PRRC2C: variants seen among roughly 807,000 people sequenced by gnomAD.
PRRC2C encodes proline rich coiled-coil 2C, also known as protein PRRC2C.
Under a neutral mutation model 317.2 loss-of-function variants are expected in PRRC2C, and 72 were observed. The observed-to-expected ratio is 0.23, with a 90% confidence interval of 0.19 to 0.28. The LOEUF (loss-of-function observed/expected upper bound fraction) is 0.28. PRRC2C is among the 10% of genes least tolerant of loss of function. PRRC2C has a pLI of 1.00. For missense variants in PRRC2C, 3,074 were observed against 3,459.7 expected (o/e 0.89, Z 2.80); for synonymous variants, 1,296 against 1,205.9 (o/e 1.07, Z -1.55).
chr1:171,571,328 G>A lies in PRRC2C; in HGVS notation c.6660G>A (p.Leu2220=). The A allele has an allele frequency of 3.7e-6, 6 of 1,605,588 alleles. No homozygotes were observed. The highest frequency in any genetic ancestry group is 1.1e-5 in the South Asian group (1 of 90,864). ...GTTGCCTACCTTTTCAGGTGCCCCT[G>A]CCCAACACCCTTCCCCTCCCTAAGA... The part of the protein sequence containing the change: ...MEDTLVNNVP[L]PNTLPLPKRE... Residue 2220 remains leucine (L), a synonymous_variant, in exon 24 of 35, where the codon CTG becomes CTA. Coordinates refer to ENST00000647382, the MANE Select transcript of PRRC2C (RefSeq NM_001387844.1).
intron 19 of PRRC2C, among the ~76,000 whole-genome samples, chr1:171,560,578 A>G (rs1449415086): frequency 6.6e-6 from 1 of 152,250 alleles, no homozygotes; most frequent in Admixed American, 6.5e-5. Flanking sequence ...AGCAGCCATC[A>G]ACATCTCCAC....
chr1:171,569,789 T>C (rs1684424606), intron 23 of PRRC2C, among the ~76,000 whole-genome samples: 1 of 151,434 alleles, frequency 6.6e-6, no homozygotes. Context: ...ATACAGAATA[T>C]TTCTACGATA....
chr1:171,517,824 G>T lies in PRRC2C; in HGVS notation c.750+10G>T. On this transcript the variant is annotated intron_variant, in intron 6 of 34. Coordinates refer to ENST00000647382, the MANE Select transcript of PRRC2C (RefSeq NM_001387844.1). The stretch of plus-strand genomic sequence containing the variant: ...TATGATGCCTCCTTATGTGAGTATT[G>T]TTAAATGAACAAGCATTCAAACAAG... The T allele has an allele frequency of 1.2e-6, 2 of 1,601,356 alleles. No individual in the cohort carries two copies. The highest frequency in any genetic ancestry group is 8.5e-7 in the Non-Finnish European group (1 of 1,171,234).
intron 6 of PRRC2C, 140 bp downstream of exon 6, chr1:171,517,954 G>A (rs202217083): frequency 5.4e-6 from 1 of 186,694 alleles, no homozygotes; most frequent in Non-Finnish European, 1.0e-5. Context: ...TTTATTGTAT[G>A]GTATATTGTG....
chr1:171,529,966 T>G (rs1675465893), intron 11 of PRRC2C, among the ~76,000 whole-genome samples: 1 of 152,180 alleles, frequency 6.6e-6, no homozygotes, highest in South Asian at 2.1e-4. Context: ...CACCATCGTT[T>G]CCAGCAATCC....
chr1:171,539,506 T>C (rs551252020), intron 15 of PRRC2C, among the ~76,000 whole-genome samples: 1 of 152,326 alleles, frequency 6.6e-6, no homozygotes, highest in African/African-American at 2.4e-5. Flanking sequence ...TATTTACCTT[T>C]ACCTATATTT....
chr1:171,556,679 A>G (rs190854192), intron 18 of PRRC2C, among the ~76,000 whole-genome samples: 94 of 152,378 alleles, frequency 6.2e-4, no homozygotes, highest in African/African-American at 2.0e-3. Context: ...GCTAATGAAC[A>G]CAAATATCAC....
intron 6 of PRRC2C, among the ~76,000 whole-genome samples, chr1:171,518,768 G>A (rs771335167): frequency 8.7e-5 from 13 of 148,866 alleles, no homozygotes; most frequent in Non-Finnish European, 1.6e-4. Flanking sequence ...CCCTCAGAGT[G>A]TTGGGATTAC....
intron 1 of PRRC2C, among the ~76,000 whole-genome samples, chr1:171,501,775 C>T (rs1396277448): frequency 6.6e-6 from 1 of 152,160 alleles, no homozygotes; most frequent in Non-Finnish European, 1.5e-5. Context: ...TCAGAGCTGG[C>T]AAGCTGAAGG....
intron 1 of PRRC2C, among the ~76,000 whole-genome samples, chr1:171,490,216 C>G (rs924297961): frequency 5.9e-5 from 9 of 152,194 alleles, no homozygotes; most frequent in African/African-American, 2.2e-4. Context: ...TGCATCCTGC[C>G]GTTTAAAAGG....
chr1:171,579,444 G>A lies in PRRC2C; in HGVS notation c.7250G>A (p.Gly2417Asp), dbSNP rs1201694898. The A allele has an allele frequency of 1.7e-5, 28 of 1,613,532 alleles. No homozygotes were observed. Among genetic ancestry groups the A allele is most frequent in the Non-Finnish European group, 2.4e-5 (28 of 1,179,856 alleles). Residue 2417 changes from glycine (G) to aspartate (D), a missense_variant, in exon 27 of 35, where the codon GGT becomes GAT. By Grantham distance (94) the Gly-to-Asp change is moderately conservative (BLOSUM62 -1). Transcript: ENST00000647382. ...LAPPSLAQQQ[G>D]FQPGLSQPTS... is the part of the protein sequence containing the mutation. The stretch of plus-strand genomic sequence containing the variant: ...CCGCCATCCTTGGCTCAACAACAGG[G>A]TTTCCAACCAGGTCTCTCTCAGGTA...
chr1:171,516,818 A>G (rs1233199923), intron 5 of PRRC2C, among the ~76,000 whole-genome samples: 2 of 152,014 alleles, frequency 1.3e-5, no homozygotes, highest in Admixed American at 6.6e-5. Flanking sequence ...CTTTAGTTTC[A>G]TGGTCTCTTA....
chr1:171,548,719 A>G (rs187406312), intron 17 of PRRC2C, among the ~76,000 whole-genome samples: 64 of 152,356 alleles, frequency 4.2e-4, no homozygotes, highest in African/African-American at 1.5e-3. Flanking sequence ...TAAGATAGCC[A>G]AAATAATTGG....
chr1:171,590,662 A>G (rs1651216639), intron 34 of PRRC2C, among the ~76,000 whole-genome samples: 1 of 152,154 alleles, frequency 6.6e-6, no homozygotes, highest in Admixed American at 6.5e-5. Context: ...CAGCAGCAAA[A>G]CTTTTATTAA....
chr1:171,543,746 A>G (rs1188057764), intron 16 of PRRC2C, among the ~76,000 whole-genome samples: 2 of 152,246 alleles, frequency 1.3e-5, no homozygotes, highest in African/African-American at 2.4e-5. Context: ...ATATAACTAA[A>G]TACCTGAGAT....
chr1:171,536,401 G>T (rs1432205024), intron 14 of PRRC2C, 123 bp downstream of exon 14: 16 of 1,126,920 alleles, frequency 1.4e-5, no homozygotes, highest in Non-Finnish European at 1.9e-5. Flanking sequence ...TAATCAAAAT[G>T]ATGTAACTTT....
At chr1:171,513,366 G>A in intron 3 of PRRC2C, 194 bp downstream of exon 3, 1 of 723,896 alleles carries the variant, frequency 1.4e-6, no homozygotes, top group Admixed American at 2.1e-5. Flanking sequence ...TGTCAGGGTA[G>A]AACAGATGAC....
chr1:171,545,495 C>T lies in PRRC2C; in HGVS notation c.4780C>T (p.Pro1594Ser), dbSNP rs1678912004. Residue 1594 changes from proline (P) to serine (S), a missense_variant, in exon 17 of 35, where the codon CCT becomes TCT. Pro to Ser is a moderately conservative substitution (Grantham distance 74, BLOSUM62 -1). This residue lies in a region of PRRC2C where 178 missense variants were observed against 163.0 expected (regional missense o/e 1.09). Coordinates refer to ENST00000647382, the MANE Select transcript of PRRC2C (RefSeq NM_001387844.1). Reference sequence around the variant, plus strand: ...TTTTTGTAGGCCATTTGATGACCAGCCTGCAGGCACAACTGGGGTTGACCT... The same window carrying T: ...TTTTTGTAGGCCATTTGATGACCAGTCTGCAGGCACAACTGGGGTTGACCT... ...SGKRGPFDDQ[P>S]AGTTGVDLIN... The T allele has an allele frequency of 6.4e-7, 1 of 1,569,566 alleles. No individual in the cohort carries two copies. Among genetic ancestry groups the T allele is most frequent in the Admixed American group, 1.9e-5 (1 of 52,910 alleles).
In PRRC2C at chr1:171,541,312, T is replaced by TTTA; in HGVS notation, c.3847_3849dup (p.Leu1283dup). On this transcript the variant is annotated inframe_insertion, in exon 16 of 35. Coordinates refer to ENST00000647382, the MANE Select transcript of PRRC2C (RefSeq NM_001387844.1). This position sits in a 1 kb window ranked among gnomAD's most constrained non-coding sequence, Gnocchi z 4.1. ...ATGAAAGTGCAAGTGACAAGGACAGTTTAAGTAAAGGCAAACTTCCCAAAA... is the reference window on the plus strand; with the variant it reads ...ATGAAAGTGCAAGTGACAAGGACAGTTTATTAAGTAAAGGCAAACTTCCCAAAA... The TTTA allele has an allele frequency of 6.2e-7, 1 of 1,613,768 alleles. No homozygotes were observed. The highest frequency in any genetic ancestry group is 1.1e-5 in the South Asian group (1 of 91,050).
Sources: gnomAD v4.1 joint callset for allele counts (sites outside exome capture counted in the v4.1 genomes callset) on GRCh38, gnomAD v4.1.1 for gene constraint, gnomAD v4.1.1 regional missense constraint, Gnocchi (gnomAD v3.1) non-coding constraint, MANE v1.5 for transcripts, NCBI Gene and HGNC (gene_info 2026-07-23, HGNC 2026-07-21) for gene names.